COMMD1: variants seen among roughly 807,000 people sequenced by gnomAD.
The protein encoded by COMMD1 is copper metabolism domain containing 1.
In COMMD1, 10 loss-of-function variants were observed where a neutral mutation model predicts 17.2. The ratio of observed to expected loss-of-function variants is 0.58; its 90% CI spans 0.36 to 0.99. The LOEUF (loss-of-function observed/expected upper bound fraction) is 0.99, where lower values mean the gene tolerates loss of function less well. COMMD1 is among the 50% of genes least tolerant of loss of function. COMMD1 has a pLI of 0.01. For synonymous variants in COMMD1, 97 were observed against 91.6 expected, an observed-to-expected ratio of 1.06 and a Z score of -0.34; for missense variants, 270 against 231.8, an observed-to-expected ratio of 1.17 and a Z score of -1.07.
chr2:62,118,562 C>T (rs931842093), intron 2 of COMMD1, among the ~76,000 whole-genome samples: 52 of 152,266 alleles, frequency 3.4e-4, no homozygotes, highest in African/African-American at 1.1e-3. Context: ...GGATGGTGTG[C>T]CAGATCCTGA....
At chr2:62,018,638 G>GAT (rs1669520334) in intron 2 of COMMD1, among the ~76,000 whole-genome samples, 1 of 152,156 alleles carries the variant, frequency 6.6e-6, no homozygotes, top group Admixed American at 6.5e-5. Flanking sequence ...TCGATGTTTT[G>GAT]ATATATATGT....
rs1572937368 is a variant in COMMD1, at chr2:61,893,706, C to G, written n.119+4864C>G. 5.9e-5 allele frequency among the ~76,000 whole-genome samples: 9 copies of G among 151,622 alleles called. No individual in the cohort carries two copies. In the South Asian group the frequency reaches 1.9e-3, roughly 31 times the overall value. On this transcript the variant is annotated intron_variant and non_coding_transcript_variant, in intron 1 of 2. Coordinates refer to the COMMD1 transcript ENST00000472729. ...GCACATGCCTATAATCTCAGCTACTCAGGAGGGTGAGGAAGGAGAATTGCT... is the reference window on the plus strand; with the variant it reads ...GCACATGCCTATAATCTCAGCTACTGAGGAGGGTGAGGAAGGAGAATTGCT...
At chr2:61,926,051 A>G (rs969908742) in intron 1 of COMMD1, among the ~76,000 whole-genome samples, 2 of 151,834 alleles carry the variant, frequency 1.3e-5, no homozygotes, top group African/African-American at 4.8e-5. Context: ...GCTCACTGCA[A>G]CCTCTGCCTC....
chr2:62,061,574 G>C (rs80062834), intron 2 of COMMD1, among the ~76,000 whole-genome samples: 1 of 51,396 alleles, frequency 1.9e-5, no homozygotes, highest in Non-Finnish European at 4.2e-5. Flanking sequence ...TTTTTTTTTT[G>C]AGACGGAATC....
intron 2 of COMMD1, among the ~76,000 whole-genome samples, chr2:62,044,856 A>C (rs1670336546): frequency 6.6e-6 from 1 of 150,570 alleles, no homozygotes; most frequent in East Asian, 1.9e-4. Context: ...AAAAAAAAAA[A>C]GACCTGTTTT....
At chr2:62,089,445 G>A (rs762422323) in intron 2 of COMMD1, among the ~76,000 whole-genome samples, 5 of 151,564 alleles carry the variant, frequency 3.3e-5, no homozygotes, top group African/African-American at 9.7e-5. Flanking sequence ...TACCACATCC[G>A]GCTAATTTTT....
At position 61,975,391 on chromosome 2, in the gene COMMD1, TG is replaced by T. The variant is rs1213159825; in HGVS notation, c.181-25309del. On this transcript the variant is annotated intron_variant, in intron 1 of 2. Coordinates refer to ENST00000311832, the MANE Select transcript of COMMD1 (RefSeq NM_152516.4). ...TTGGGGAGGTATCAAGGAGAGTGAT[TG>T]CTGGATTTTATGCATATGGCAAGAG... Among the ~76,000 whole-genome samples, 4 of 152,210 alleles carry T rather than the reference TG, an allele frequency of 2.6e-5. 1 individual carries two copies. In the East Asian group the frequency reaches 7.7e-4, roughly 29 times the overall value.
At chr2:61,956,432 T>A (rs1671200989) in intron 1 of COMMD1, among the ~76,000 whole-genome samples, 1 of 152,104 alleles carries the variant, frequency 6.6e-6, no homozygotes, top group South Asian at 2.1e-4. Flanking sequence ...TTTTTGGAGA[T>A]GGAGTCTCGC....
intron 1 of COMMD1, among the ~76,000 whole-genome samples, chr2:61,968,137 G>C (rs925796609): frequency 2.6e-5 from 4 of 151,962 alleles, no homozygotes; most frequent in East Asian, 1.9e-4. Flanking sequence ...CTCCTGCCTG[G>C]GTGACACAGT....
At chr2:61,890,427 C>T (rs1194389868) in intron 1 of COMMD1, among the ~76,000 whole-genome samples, 1 of 152,146 alleles carries the variant, frequency 6.6e-6, no homozygotes, top group Non-Finnish European at 1.5e-5. Context: ...CCATGTTGGA[C>T]AGGGTGGTTT....
intron 2 of COMMD1, among the ~76,000 whole-genome samples, chr2:62,015,745 A>G (rs1345748394): frequency 7.3e-6 from 1 of 137,528 alleles, no homozygotes; most frequent in Non-Finnish European, 1.5e-5. Flanking sequence ...CCGAATGTAT[A>G]TAAAGTGGTA....
upstream of COMMD1, among the ~76,000 whole-genome samples, chr2:61,901,259 T>C (rs984103164): frequency 6.6e-5 from 10 of 151,956 alleles, no homozygotes; most frequent in Non-Finnish European, 1.3e-4. Context: ...AACACATTTT[T>C]TTAAAAAAAG....
At chr2:62,114,403 G>A (rs1453167531) in intron 2 of COMMD1, among the ~76,000 whole-genome samples, 1 of 152,204 alleles carries the variant, frequency 6.6e-6, no homozygotes, top group Non-Finnish European at 1.5e-5. Context: ...CTCTTATCAA[G>A]AGGGCAAGGG....
At chr2:62,012,359 C>G (rs1669304877) in intron 2 of COMMD1, among the ~76,000 whole-genome samples, 1 of 140,346 alleles carries the variant, frequency 7.1e-6, no homozygotes, top group Non-Finnish European at 1.5e-5. Context: ...TGGAGTCTTA[C>G]TCTTGTTGCC....
chr2:62,049,620 A>G (rs77632795), intron 2 of COMMD1, among the ~76,000 whole-genome samples: 2,958 of 152,312 alleles, frequency 0.019, 48 homozygotes, highest in Non-Finnish European at 0.031. Flanking sequence ...TGAACATTTC[A>G]AAGTAACTGA....
intron 2 of COMMD1, among the ~76,000 whole-genome samples, chr2:62,040,583 T>C (rs1219841462): frequency 6.6e-6 from 1 of 152,142 alleles, no homozygotes; most frequent in Non-Finnish European, 1.5e-5. Flanking sequence ...AAAATTAAGG[T>C]TGGAGTTCTT....
chr2:62,013,961 A>G (rs1669361339), intron 2 of COMMD1, among the ~76,000 whole-genome samples: 1 of 152,254 alleles, frequency 6.6e-6, no homozygotes. Context: ...CAACTTACAG[A>G]GAGATGCACT....
intron 2 of COMMD1, chr2:62,100,280 C>T (rs1003078105): frequency 5.3e-5 from 8 of 152,198 alleles, no homozygotes; most frequent in African/African-American, 1.9e-4. Context: ...CCTTCAGGGT[C>T]CTGAGTCTTC....
chr2:61,921,986 A>G (rs1311712537), intron 1 of COMMD1, among the ~76,000 whole-genome samples: 1 of 152,192 alleles, frequency 6.6e-6, no homozygotes, highest in African/African-American at 2.4e-5. Flanking sequence ...CTGTCGATGT[A>G]TTCTGTAGAA....
Sources: gnomAD v4.1 joint callset for allele counts (sites outside exome capture counted in the v4.1 genomes callset) on GRCh38, gnomAD v4.1.1 for gene constraint, MANE v1.5 for transcripts, NCBI Gene and HGNC (gene_info 2026-07-23, HGNC 2026-07-21) for gene names.